Variants in DHX37 observed in about 807,000 individuals in gnomAD.
The protein encoded by DHX37 is probable ATP-dependent RNA helicase DHX37.
A neutral mutation model predicts 134.3 loss-of-function variants in DHX37; 52 were observed. The observed-to-expected ratio is 0.39, with a 90% CI of 0.31 to 0.49. The LOEUF (loss-of-function observed/expected upper bound fraction) is 0.49. DHX37 is among the 20% of genes least tolerant of loss of function. DHX37 has a pLI of 0.93. For missense variants in DHX37, 1,344 were observed against 1,580.8 expected (o/e 0.85, Z 2.54); for synonymous variants, 634 against 670.7 (o/e 0.95, Z 0.85).
intron 4 of DHX37, 64 bp from the exon 5 acceptor site, chr12:124,977,554 G>A: frequency 2.7e-6 from 4 of 1,492,900 alleles, no homozygotes; most frequent in Middle Eastern, 1.8e-4. Flanking sequence ...GGGACCTCCA[G>A]GAAGGTGGCA....
chr12:124,970,880 A>G (rs1014430421), intron 8 of DHX37, among the ~76,000 whole-genome samples: 2 of 152,162 alleles, frequency 1.3e-5, no homozygotes, highest in Admixed American at 6.5e-5. Flanking sequence ...AGGCTGGGGC[A>G]GGGAGATGGA....
intron 8 of DHX37, among the ~76,000 whole-genome samples, chr12:124,970,038 T>A (rs1343885416): frequency 3.3e-5 from 5 of 152,230 alleles, no homozygotes; most frequent in Admixed American, 3.3e-4. Context: ...AGTGGCGCGA[T>A]CGCGGCTCAC....
intron 13 of DHX37, 44 bp from the exon 14 acceptor site, chr12:124,965,050 T>A (rs1388869060): frequency 1.3e-6 from 2 of 1,566,450 alleles, no homozygotes; most frequent in Non-Finnish European, 1.7e-6. Context: ...CCGGGACAGA[T>A]GCCCACAGGC....
chr12:124,980,448 C>T lies in DHX37; in HGVS notation c.738+42G>A. ...AGGACGCCCTCTGTGCGCCCCTTGC[C>T]CGCTAACCTAGATTCTTAATCACAA... is the stretch of plus-strand genomic sequence containing the variant. On this transcript the variant is annotated intron_variant, in intron 4 of 26. Coordinates refer to ENST00000308736, the MANE Select transcript of DHX37 (RefSeq NM_032656.4). This position sits in a 1 kb window ranked among gnomAD's most constrained non-coding sequence, Gnocchi z 5.3. 6.3e-7 allele frequency: 1 copy of T among 1,592,700 alleles called. No homozygotes were observed. The highest frequency in any genetic ancestry group is 8.5e-7 in the Non-Finnish European group (1 of 1,172,928).
chr12:124,981,429 C>T (rs1178889209), intron 3 of DHX37, among the ~76,000 whole-genome samples: 1 of 152,112 alleles, frequency 6.6e-6, no homozygotes, highest in East Asian at 1.9e-4. Flanking sequence ...GTGGCCGGAT[C>T]GTCCAACTAG....
intron 4 of DHX37, among the ~76,000 whole-genome samples, chr12:124,979,169 C>A (rs929287463): frequency 6.6e-6 from 1 of 152,082 alleles, no homozygotes; most frequent in Non-Finnish European, 1.5e-5. Context: ...GAGTTCAAGA[C>A]CAGCCTGGGC....
At chr12:124,984,961 C>T (rs912880049) in intron 2 of DHX37, among the ~76,000 whole-genome samples, 12 of 152,098 alleles carry the variant, frequency 7.9e-5, no homozygotes, top group Non-Finnish European at 4.4e-5. Context: ...ATGAGAAGCG[C>T]CCTTCGAAGA....
intron 15 of DHX37, among the ~76,000 whole-genome samples, chr12:124,961,264 A>ACATACACGCGTGCACGCACGCACACACT (rs529082353): frequency 2.4e-5 from 3 of 125,202 alleles, no homozygotes; most frequent in Non-Finnish European, 4.7e-5. Flanking sequence ...ACGCACACAC[A>ACATACACGCGTGCACGCACGCACACACT]TACACGCGTG....
Position 124,986,345 on chromosome 12 carries a change from T to A in DHX37, c.107-80A>T, listed in dbSNP as rs541797902. Reference sequence around the variant, plus strand: ...CCTCCCACAAGCCCCCTGACTTGCATGGGGGCCTCCTGAGTCTGCACACAG... The same window carrying A: ...CCTCCCACAAGCCCCCTGACTTGCAAGGGGGCCTCCTGAGTCTGCACACAG... On this transcript the variant is annotated intron_variant, in intron 1 of 26. Coordinates refer to ENST00000308736, the MANE Select transcript of DHX37 (RefSeq NM_032656.4). 3,055 of 1,502,998 alleles carry A rather than the reference T, an allele frequency of 2.0e-3. 28 individuals carry two copies. Among genetic ancestry groups the A allele is most frequent in the South Asian group, 0.012 (999 of 82,194 alleles). The allele number at this position is 1,502,998 out of a possible 1,614,324, so 93.1% of individuals were successfully genotyped here.
At chr12:124,977,037 C>A (rs1018846641) in intron 5 of DHX37, among the ~76,000 whole-genome samples, 2 of 121,992 alleles carry the variant, frequency 1.6e-5, no homozygotes, top group African/African-American at 6.8e-5. Context: ...CACAGCGAGA[C>A]GCTGTCTCAA....
rs756072239 is a variant in DHX37 at position 124,956,734 on chromosome 12, C to T, written c.2410G>A (p.Val804Met). 1.2e-5 allele frequency: 19 copies of T among 1,599,036 alleles called. No homozygotes were observed. Among genetic ancestry groups the T allele is most frequent in the Middle Eastern group, 3.3e-4 (2 of 6,002 alleles). Residue 804 changes from valine to methionine, a missense_variant, in exon 18 of 27, where the codon GTG (valine) becomes ATG (methionine). Transcript: ENST00000308736. ...HGCLPYAITIVASMTVRELFE... is the reference protein window; with the variant it reads ...HGCLPYAITIMASMTVRELFE... ...AGCTCCCGCACCGTCATGCTGGCCA[C>T]GATGGTGATGGCATAGGGCAGGCAG... is the stretch of plus-strand genomic sequence containing the variant.
chr12:124,977,045 C>A (rs376309547), intron 5 of DHX37, among the ~76,000 whole-genome samples: 673 of 122,474 alleles, frequency 5.5e-3, no homozygotes, highest in African/African-American at 5.8e-3. Flanking sequence ...GACGCTGTCT[C>A]AAAAAAAAAA....
At position 124,964,509 on chromosome 12, in the gene DHX37, G is replaced by A. The variant is rs750227236; in HGVS notation, c.1930C>T (p.Arg644Cys). Residue 644 changes from arginine to cysteine, a missense_variant, in exon 15 of 27, where the codon CGC becomes TGC. By Grantham distance (180) the Arg-to-Cys change is radical (BLOSUM62 -3). This residue lies in a region of DHX37 where 39 missense variants were observed against 87.9 expected (regional missense o/e 0.44). Transcript: ENST00000308736. Reference protein sequence around the residue: ...YVVDCGKVKKRYYDRVTGVSS... With the variant: ...YVVDCGKVKKCYYDRVTGVSS... ...ACGCCAGTGACGCGGTCGTAGTAGC[G>A]TTTCTTGACCTTCCCACAGTCCACC... 2.0e-5 allele frequency: 32 copies of A among 1,614,072 alleles called. No individual in the cohort carries two copies. The highest frequency in any genetic ancestry group is 8.3e-5 in the Admixed American group (5 of 60,002).
At chr12:124,988,853 AAGGCAGGGCAC>A in intron 1 of DHX37, 53 bp downstream of exon 1, 3 of 1,082,420 alleles carry the variant, frequency 2.8e-6, no homozygotes, top group Non-Finnish European at 3.7e-6. Context: ...GAGAGTCCTG[AAGGCAGGGCAC>A]AGGCCGCCCT....
At position 124,980,351 on chromosome 12, in the gene DHX37, C is replaced by A. The variant is rs566378953; in HGVS notation, c.738+139G>T. On this transcript the variant is annotated intron_variant, in intron 4 of 26. Coordinates refer to ENST00000308736, the MANE Select transcript of DHX37 (RefSeq NM_032656.4). This position sits in a 1 kb window ranked among gnomAD's most constrained non-coding sequence, Gnocchi z 5.3. ...ATCCCTGCCACAGCCTCAAGGGAGG[C>A]GCAGTCACTCTCCCCTTTCCCAGAT... 2.0e-6 allele frequency: 2 copies of A among 986,678 alleles called. No individual in the cohort carries two copies. The highest frequency in any genetic ancestry group is 2.9e-6 in the Non-Finnish European group (2 of 694,632). 61.1% of individuals were successfully genotyped at this position (986,678 alleles called of 1,614,324 possible).
At chr12:124,988,150 C>T (rs1443535535) in intron 1 of DHX37, among the ~76,000 whole-genome samples, 5 of 152,114 alleles carry the variant, frequency 3.3e-5, no homozygotes, top group East Asian at 1.9e-4. Context: ...CCCACCACCA[C>T]GCCTCCTCTG....
chr12:124,985,738 A>C (rs1954858418), intron 2 of DHX37, among the ~76,000 whole-genome samples: 2 of 151,578 alleles, frequency 1.3e-5, no homozygotes, highest in African/African-American at 4.8e-5. Flanking sequence ...ATCTCAAAAA[A>C]AAAAAATTTT....
Position 124,949,132 on chromosome 12 carries a change from C to T in DHX37, c.3290+854G>A, listed in dbSNP as rs1392302264. Among the ~76,000 whole-genome samples the T allele has an allele frequency of 6.6e-6, 1 of 152,196 alleles. No individual in the cohort carries two copies. Among genetic ancestry groups the T allele is most frequent in the Non-Finnish European group, 1.5e-5 (1 of 68,028 alleles). ...GCTCTGTCCCTCTGGGGCCGAGCAA[C>T]GCTGCTGTGGGACAGAGATCGTGTC... On this transcript the variant is annotated intron_variant, in intron 25 of 26. Coordinates refer to ENST00000308736, the MANE Select transcript of DHX37 (RefSeq NM_032656.4). The surrounding 1 kb of genome is among the most constrained non-coding windows in gnomAD (Gnocchi z 4.0).
At chr12:124,984,335 C>T (rs7300714) in intron 2 of DHX37, among the ~76,000 whole-genome samples, 54,949 of 152,004 alleles carry the variant, frequency 0.36, 10,065 homozygotes, top group East Asian at 0.43. Flanking sequence ...GAGTTCAAGA[C>T]CAGCCTGACC....
Sources: gnomAD v4.1 joint callset for allele counts (sites outside exome capture counted in the v4.1 genomes callset) on GRCh38, gnomAD v4.1.1 for gene constraint, gnomAD v4.1.1 regional missense constraint, Gnocchi (gnomAD v3.1) non-coding constraint, MANE v1.5 for transcripts, NCBI Gene and HGNC (gene_info 2026-07-23, HGNC 2026-07-21) for gene names.